Variants in TRPC4 observed in about 807,000 individuals in gnomAD.
TRPC4 encodes short transient receptor potential channel 4.
TRPC4 carries 49 observed loss-of-function variants against 99.4 expected under a neutral mutation model. The ratio of observed to expected loss-of-function variants is 0.49; its 90% confidence interval spans 0.39 to 0.63. The LOEUF (loss-of-function observed/expected upper bound fraction) is 0.63. Ranked by LOEUF, TRPC4 falls within the 20% of genes least tolerant of loss-of-function variation. The pLI, the probability that TRPC4 is intolerant of heterozygous loss-of-function variation, is 0.00. For missense variants in TRPC4, 898 were observed against 1,152.9 expected, an observed-to-expected ratio of 0.78 and a Z score of 3.20; for synonymous variants, 454 against 425.9, an observed-to-expected ratio of 1.07 and a Z score of -0.81.
At chr13:37,728,553 A>G (rs1955136143) in intron 3 of TRPC4, among the ~76,000 whole-genome samples, 1 of 152,100 alleles carries the variant, frequency 6.6e-6, no homozygotes, top group African/African-American at 2.4e-5. Flanking sequence ...AAATTGAAAG[A>G]TGTCCCACAT....
At chr13:37,814,908 T>A (rs9576363) in intron 1 of TRPC4, among the ~76,000 whole-genome samples, 2 of 151,544 alleles carry the variant, frequency 1.3e-5, no homozygotes, top group Non-Finnish European at 3.0e-5. Context: ...TTTGGAGGAC[T>A]TGCATTATCT....
At chr13:37,692,623 A>G (rs959018004) in intron 3 of TRPC4, among the ~76,000 whole-genome samples, 3 of 152,230 alleles carry the variant, frequency 2.0e-5, no homozygotes, top group Non-Finnish European at 2.9e-5. Context: ...ACGAATATGC[A>G]AAAGATACGC....
At chr13:37,693,278 T>C (rs547870205) in intron 3 of TRPC4, among the ~76,000 whole-genome samples, 2 of 152,220 alleles carry the variant, frequency 1.3e-5, no homozygotes, top group South Asian at 2.1e-4. Context: ...CCGGGACATA[T>C]TTGTATAAGT....
At chr13:37,642,407 A>T (rs1415019432) in intron 8 of TRPC4, among the ~76,000 whole-genome samples, 4 of 152,184 alleles carry the variant, frequency 2.6e-5, no homozygotes, top group Non-Finnish European at 5.9e-5. Context: ...ACATGTCGCT[A>T]CTGAGAAGCC....
rs200044720 is a variant in TRPC4 at position 37,730,592 on chromosome 13, T to TAC, written c.897+15343_897+15344dup. 3.1e-3 allele frequency among the ~76,000 whole-genome samples: 472 copies of TAC among 150,716 alleles called. 1 individual carries two copies. The highest frequency in any genetic ancestry group is 0.01 in the African/African-American group (430 of 41,200). Reference sequence around the variant, plus strand: ...ATTATCAAAGCTCTTTGTACACACATACACACACACACACAGATTCATTTT... The same window carrying TAC: ...ATTATCAAAGCTCTTTGTACACACATACACACACACACACACAGATTCATTTT... On this transcript the variant is annotated intron_variant, in intron 3 of 10. Coordinates refer to ENST00000379705, the MANE Select transcript of TRPC4 (RefSeq NM_016179.4).
intron 1 of TRPC4, among the ~76,000 whole-genome samples, chr13:37,846,469 T>C (rs1958901747): frequency 6.6e-6 from 1 of 151,936 alleles, no homozygotes; most frequent in Non-Finnish European, 1.5e-5. Context: ...AAGTGTAGAG[T>C]CTTTATATGG....
chr13:37,832,960 T>G (rs1958463702), intron 1 of TRPC4, among the ~76,000 whole-genome samples: 1 of 152,206 alleles, frequency 6.6e-6, no homozygotes, highest in African/African-American at 2.4e-5. Flanking sequence ...TCTATTACTT[T>G]GTTTTCAGCA....
intron 3 of TRPC4, among the ~76,000 whole-genome samples, chr13:37,734,532 C>T (rs1372678416): frequency 6.6e-6 from 1 of 152,110 alleles, no homozygotes; most frequent in Admixed American, 6.6e-5. Flanking sequence ...AGATTTCCAG[C>T]TTCACCCCAG....
intron 3 of TRPC4, among the ~76,000 whole-genome samples, chr13:37,714,492 T>A (rs1045492415): frequency 1.3e-5 from 2 of 152,224 alleles, no homozygotes; most frequent in African/African-American, 4.8e-5. Flanking sequence ...TCTAAACTGA[T>A]CTTTTCAAAA....
chr13:37,697,802 T>C (rs1034033970), intron 3 of TRPC4, among the ~76,000 whole-genome samples: 3 of 152,172 alleles, frequency 2.0e-5, no homozygotes, highest in Admixed American at 6.5e-5. Context: ...TAAACGCTGG[T>C]TTAAAGGATT....
intron 3 of TRPC4, among the ~76,000 whole-genome samples, chr13:37,738,300 T>C (rs76387320): frequency 6.6e-6 from 1 of 152,126 alleles, no homozygotes; most frequent in Admixed American, 6.6e-5. Flanking sequence ...TGGGATGTCA[T>C]GAATGCAAGG....
At chr13:37,742,913 C>A (rs1181244541) in intron 3 of TRPC4, among the ~76,000 whole-genome samples, 1 of 152,006 alleles carries the variant, frequency 6.6e-6, no homozygotes, top group African/African-American at 2.4e-5. Flanking sequence ...AAATGTTATT[C>A]CTGAATTTTT....
At chr13:37,778,477 T>C (rs1418504349) in intron 2 of TRPC4, among the ~76,000 whole-genome samples, 1 of 152,002 alleles carries the variant, frequency 6.6e-6, no homozygotes, top group East Asian at 1.9e-4. Context: ...ATCCAGACTA[T>C]ATCAAGGTTG....
chr13:37,765,139 T>G (rs1248157372), intron 2 of TRPC4, among the ~76,000 whole-genome samples: 1 of 151,402 alleles, frequency 6.6e-6, no homozygotes, highest in African/African-American at 2.4e-5. Flanking sequence ...TTAGCCAGGT[T>G]CTAATTTCTG....
intron 3 of TRPC4, among the ~76,000 whole-genome samples, chr13:37,693,658 G>T (rs1326759730): frequency 6.6e-6 from 1 of 152,194 alleles, no homozygotes; most frequent in Non-Finnish European, 1.5e-5. Flanking sequence ...TGGGGATGAA[G>T]AAAGAGATGA....
rs573454408 is a variant in TRPC4, at chr13:37,669,438, G to A, written c.1374+4790C>T. Among the ~76,000 whole-genome samples the A allele has an allele frequency of 1.4e-3, 218 of 152,240 alleles. 2 individuals are homozygous for A. Among genetic ancestry groups the A allele is most frequent in the South Asian group, 5.8e-3 (28 of 4,822 alleles). The stretch of plus-strand genomic sequence containing the variant: ...TGACAAACTTTCCTCTAGAGGGTTA[G>A]GAGCAATTTTTTAAAAGTTTATAAC... On this transcript the variant is annotated intron_variant, in intron 5 of 10. Transcript: ENST00000379705.
intron 2 of TRPC4, among the ~76,000 whole-genome samples, chr13:37,756,176 GCACA>G (rs1009308890): frequency 6.6e-6 from 1 of 152,094 alleles, no homozygotes; most frequent in African/African-American, 2.4e-5. Flanking sequence ...GTACATGTGT[GCACA>G]CACACATACA....
intron 1 of TRPC4, among the ~76,000 whole-genome samples, chr13:37,836,652 G>A (rs951253672): frequency 2.0e-5 from 3 of 152,090 alleles, no homozygotes; most frequent in Non-Finnish European, 4.4e-5. Flanking sequence ...GCAAAGCACT[G>A]GGTGCTGTTA....
At chr13:37,769,479 A>AT (rs1956487211) in intron 2 of TRPC4, among the ~76,000 whole-genome samples, 2 of 151,272 alleles carry the variant, frequency 1.3e-5, no homozygotes, top group South Asian at 2.1e-4. Context: ...CTTTATCATG[A>AT]TTTTTTCCTT....
Sources: gnomAD v4.1 joint callset for allele counts (sites outside exome capture counted in the v4.1 genomes callset) on GRCh38, gnomAD v4.1.1 for gene constraint, MANE v1.5 for transcripts, NCBI Gene and HGNC (gene_info 2026-07-23, HGNC 2026-07-21) for gene names.